RARA: variants seen among roughly 807,000 people sequenced by gnomAD.
The protein encoded by RARA is PML-DDX5-RARA fusion.
In RARA, 5 loss-of-function variants were observed where a neutral mutation model predicts 42.8. The ratio of observed to expected loss-of-function variants is 0.12; its 90% CI spans 0.06 to 0.25. The LOEUF is 0.25. Among genes scored for constraint, RARA ranks in the 10% least tolerant of loss-of-function variants. RARA has a pLI of 1.00. For missense variants in RARA, 402 were observed against 628.7 expected (o/e 0.64, Z 3.86); for synonymous variants, 256 against 259.5 (o/e 0.99, Z 0.13).
intron 1 of RARA, among the ~76,000 whole-genome samples, chr17:40,315,171 T>TATATACACACAC (rs1247793097): frequency 9.1e-5 from 7 of 76,568 alleles, no homozygotes; most frequent in Middle Eastern, 7.7e-3. Context: ...TATATATATA[T>TATATACACACAC]ACACACACAC....
At chr17:40,342,331 G>T (rs998730534) in intron 2 of RARA, 28 of 1,073,708 alleles carry the variant, frequency 2.6e-5, no homozygotes, top group Non-Finnish European at 3.1e-5. Flanking sequence ...CCAGCCCCGC[G>T]CTGATCCCGC....
chr17:40,335,869 A>G (rs2033828956), intron 2 of RARA, among the ~76,000 whole-genome samples: 1 of 149,522 alleles, frequency 6.7e-6, no homozygotes, highest in Admixed American at 6.6e-5. Flanking sequence ...CAGGTGTGGT[A>G]GCGTGTGCCT....
At position 40,341,254 on chromosome 17, in the gene RARA, C is replaced by T. The variant is rs2034023757; in HGVS notation, c.179-7062C>T. ...GTGCACCAGGGGCCGGTACTGGTTC[C>T]CCAGCTAGGAGACACCTTGGGCGGG... On this transcript the variant is annotated intron_variant, in intron 2 of 8. Transcript: ENST00000254066. 5 of 1,248,950 alleles carry T rather than the reference C, an allele frequency of 4.0e-6. No homozygotes were observed. The South Asian group carries it at 7.4e-5, about 18-fold the overall frequency. The allele number at this position is 1,248,950 out of a possible 1,614,324, so 77.4% of individuals were successfully genotyped here. A position where few individuals can be genotyped will look rare whatever the true frequency, so the allele number is the denominator to read the frequency against.
In RARA at chr17:40,348,313, T is replaced by C; in HGVS notation, c.179-3T>C. 1.3e-6 allele frequency: 2 copies of C among 1,587,396 alleles called. No homozygotes were observed. Among genetic ancestry groups the C allele is most frequent in the Non-Finnish European group, 8.6e-7 (1 of 1,166,522 alleles). ...AACTGCCCCTCCCCTCTTCTCTCTC[T>C]AGCCATTGAGACCCAGAGCAGCAGT... On this transcript the variant is annotated splice_polypyrimidine_tract_variant and splice_region_variant and intron_variant, in intron 2 of 8. Transcript: ENST00000254066.
intron 2 of RARA, among the ~76,000 whole-genome samples, chr17:40,347,627 G>T (rs992284269): frequency 6.6e-6 from 1 of 152,200 alleles, no homozygotes; most frequent in Non-Finnish European, 1.5e-5. Context: ...CTCCCCAGAT[G>T]GGGGGTACCC....
Position 40,355,912 on chromosome 17 carries a change from A to T in RARA, c.1172-97A>T. The T allele has an allele frequency of 6.0e-6, 6 of 1,004,314 alleles. No homozygotes were observed. The highest frequency in any genetic ancestry group is 8.8e-6 in the Non-Finnish European group (6 of 682,300). The allele number at this position is 1,004,314 out of a possible 1,614,324, so 62.2% of individuals were successfully genotyped here. On this transcript the variant is annotated intron_variant, in intron 8 of 8. Coordinates refer to ENST00000254066, the MANE Select transcript of RARA (RefSeq NM_000964.4). The surrounding 1 kb of genome is among the most constrained non-coding windows in gnomAD (Gnocchi z 4.1). ...GAATCCCAAGAAAGATGCTAATATC[A>T]GCAGTATTGATCTTCCCACCTCGAG... is the stretch of plus-strand genomic sequence containing the variant.
At position 40,355,459 on chromosome 17, in the gene RARA, C is replaced by A; in HGVS notation, c.1171+38C>A. On this transcript the variant is annotated intron_variant, in intron 8 of 8. Transcript: ENST00000254066. The surrounding 1 kb of genome is among the most constrained non-coding windows in gnomAD (Gnocchi z 4.1). Reference sequence around the variant, plus strand: ...GACCTGGAGGGGTACCGGCCCCCGACACCTGGCCCAGGCCCCCACATCCAA... The same window carrying A: ...GACCTGGAGGGGTACCGGCCCCCGAAACCTGGCCCAGGCCCCCACATCCAA... The A allele has an allele frequency of 6.3e-7, 1 of 1,577,042 alleles. No individual in the cohort carries two copies. Among genetic ancestry groups the A allele is most frequent in the Admixed American group, 1.8e-5 (1 of 56,740 alleles).
In RARA at chr17:40,349,945, G is replaced by C. The variant is rs756113408; in HGVS notation, c.469+20G>C. The C allele has an allele frequency of 1.9e-6, 3 of 1,612,334 alleles. No individual in the cohort carries two copies. Among genetic ancestry groups the C allele is most frequent in the Non-Finnish European group, 1.7e-6 (2 of 1,178,602 alleles). ...AGGAGTGTGAGTGCCATAGGGCAGGGGCCGAGTCCCGCCTCAGTTGGGGTC... is the reference window on the plus strand; with the variant it reads ...AGGAGTGTGAGTGCCATAGGGCAGGCGCCGAGTCCCGCCTCAGTTGGGGTC... On this transcript the variant is annotated intron_variant, in intron 4 of 8. Coordinates refer to ENST00000254066, the MANE Select transcript of RARA (RefSeq NM_000964.4).
Position 40,352,500 on chromosome 17 carries a change from A to T in RARA, c.800A>T (p.Asp267Val). ...ACCCTCCTCAAGGCTGCCTGCCTGGACATCCTGGTGAGGGTCTGCACCCTG... is the reference window on the plus strand; with the variant it reads ...ACCCTCCTCAAGGCTGCCTGCCTGGTCATCCTGGTGAGGGTCTGCACCCTG... ...QITLLKAACL[D>V]ILILRICTRY... The change falls in exon 6 of 9, where the codon GAC (aspartate) becomes GTC (valine). Residue 267 changes from aspartate to valine, a missense_variant. Transcript: ENST00000254066. This position sits in a 1 kb window ranked among gnomAD's most constrained non-coding sequence, Gnocchi z 4.9. The T allele has an allele frequency of 6.2e-7, 1 of 1,605,294 alleles. No individual in the cohort carries two copies. The highest frequency in any genetic ancestry group is 1.1e-5 in the South Asian group (1 of 89,638).
At chr17:40,343,032 C>A in intron 2 of RARA, 1 of 1,370,748 alleles carries the variant, frequency 7.3e-7, no homozygotes, top group Non-Finnish European at 9.5e-7. Context: ...CCCGGCCGCA[C>A]CCTCCCCCCA....
intron 3 of RARA, 81 bp downstream of exon 3, chr17:40,348,545 G>C (rs1055402591): frequency 2.7e-6 from 4 of 1,469,938 alleles, no homozygotes; most frequent in Non-Finnish European, 9.1e-7. Flanking sequence ...GGAGTGTGCA[G>C]TTGGGGGGTG....
At position 40,355,524 on chromosome 17, in the gene RARA, C is replaced by T. The variant is rs914035519; in HGVS notation, c.1171+103C>T. 1.4e-6 allele frequency: 2 copies of T among 1,407,194 alleles called. No homozygotes were observed. The highest frequency in any genetic ancestry group is 2.9e-5 in the African/African-American group (2 of 69,120). The allele number at this position is 1,407,194 out of a possible 1,614,324, so 87.2% of individuals were successfully genotyped here. A position where few individuals can be genotyped will look rare whatever the true frequency, so the allele number is the denominator to read the frequency against. On this transcript the variant is annotated intron_variant, in intron 8 of 8. Transcript: ENST00000254066. The surrounding 1 kb of genome is among the most constrained non-coding windows in gnomAD (Gnocchi z 4.1). ...TCTTTGTGCCAGGACAATACGACACCTGTCCCCATCTGTGTCTAGGCTGAG... is the reference window on the plus strand; with the variant it reads ...TCTTTGTGCCAGGACAATACGACACTTGTCCCCATCTGTGTCTAGGCTGAG...
At chr17:40,349,613 T>A (rs188222002) in intron 3 of RARA, 171 bp from the exon 4 acceptor site, 1 of 748,226 alleles carries the variant, frequency 1.3e-6, no homozygotes, top group East Asian at 2.7e-5. Flanking sequence ...CTGAGGAGGA[T>A]CCTTTTAGGT....
At chr17:40,330,380 C>CT (rs1205832123) in intron 1 of RARA, among the ~76,000 whole-genome samples, 1 of 152,144 alleles carries the variant, frequency 6.6e-6, no homozygotes, top group East Asian at 1.9e-4. Flanking sequence ...GGGCTTGGAT[C>CT]TGGGGGGGAA....
In RARA at chr17:40,354,762, C is replaced by T. The variant is rs2034561596; in HGVS notation, c.1012+256C>T. ...GGGTCACCTCCTGGCCGATGCATGA[C>T]CCTGAGCAGGTTGCTGAACTTCTCT... On this transcript the variant is annotated intron_variant, in intron 7 of 8. Transcript: ENST00000254066. This position sits in a 1 kb window ranked among gnomAD's most constrained non-coding sequence, Gnocchi z 4.5. Among the ~76,000 whole-genome samples the T allele has an allele frequency of 6.6e-6, 1 of 152,204 alleles. No individual in the cohort carries two copies. The highest frequency in any genetic ancestry group is 2.4e-5 in the African/African-American group (1 of 41,440).
At chr17:40,328,534 A>AC (rs1446618909) in intron 1 of RARA, among the ~76,000 whole-genome samples, 1 of 152,076 alleles carries the variant, frequency 6.6e-6, no homozygotes, top group African/African-American at 2.4e-5. Context: ...ATTTTAGAAC[A>AC]CTTTCATCAC....
chr17:40,338,169 C>A (rs2033913949), intron 2 of RARA, among the ~76,000 whole-genome samples: 2 of 152,202 alleles, frequency 1.3e-5, no homozygotes, highest in African/African-American at 4.8e-5. Context: ...TTGTGTCTAC[C>A]CCATGCCAAG....
chr17:40,319,000 T>C (rs565048116), intron 1 of RARA, among the ~76,000 whole-genome samples: 61 of 152,110 alleles, frequency 4.0e-4, no homozygotes, highest in African/African-American at 1.4e-3. Flanking sequence ...GCAGTATGTG[T>C]GTAGGGGTGT....
At chr17:40,325,887 C>T (rs929203016) in intron 1 of RARA, among the ~76,000 whole-genome samples, 3 of 152,162 alleles carry the variant, frequency 2.0e-5, no homozygotes, top group Admixed American at 6.5e-5. Flanking sequence ...GGGCCAGTCC[C>T]GGCTGAGTTT....
Sources: gnomAD v4.1 joint callset for allele counts (sites outside exome capture counted in the v4.1 genomes callset) on GRCh38, gnomAD v4.1.1 for gene constraint, Gnocchi (gnomAD v3.1) non-coding constraint, MANE v1.5 for transcripts, NCBI Gene and HGNC (gene_info 2026-07-23, HGNC 2026-07-21) for gene names.